Variants in IGSF22 observed in about 807,000 individuals in gnomAD.
IGSF22 encodes the protein immunoglobulin superfamily, member 22.
Under a neutral mutation model 127.0 loss-of-function variants are expected in IGSF22, and 119 were observed. That is an observed-to-expected ratio of 0.94 (90% CI 0.81 to 1.09). The LOEUF (loss-of-function observed/expected upper bound fraction) is 1.09. Among genes scored for constraint, IGSF22 ranks in the 50% least tolerant of loss-of-function variants. The probability of loss-of-function intolerance (pLI) is 0.00; values close to 1 mark genes in which losing one functional copy is unlikely to be tolerated. For missense variants in IGSF22, 1,518 were observed against 1,716.6 expected, an observed-to-expected ratio of 0.88 and a Z score of 2.04; for synonymous variants, 568 against 664.7, an observed-to-expected ratio of 0.85 and a Z score of 2.24.
Position 18,724,070 on chromosome 11 carries a change from G to T in IGSF22, c.109+58C>A, listed in dbSNP as rs1848614086. The T allele has an allele frequency of 8.6e-6, 12 of 1,398,470 alleles. No homozygotes were observed. The South Asian group carries it at 1.2e-4, about 14-fold the overall frequency. The allele number at this position is 1,398,470 out of a possible 1,614,324, so 86.6% of individuals were successfully genotyped here. ...CAAAACTGGGGCCACCCAAGGGATG[G>T]GTGTGGAGGAAGAATAGCTGCCCTT... On this transcript the variant is annotated intron_variant, in intron 2 of 22. Transcript: ENST00000513874.
intron 14 of IGSF22, 57 bp downstream of exon 14, chr11:18,713,795 G>A: frequency 7.2e-7 from 1 of 1,383,404 alleles, no homozygotes; most frequent in Non-Finnish European, 9.9e-7. Flanking sequence ...CTTCTGCCCT[G>A]AGTCTGGGCA....
chr11:18,704,479 G>T lies in IGSF22; in HGVS notation c.3970C>A (p.His1324Asn). Reference sequence around the variant, plus strand: ...GGCTTGGCTGGAGCTCACATGAGGTGCTTTGATTTCTTCTGCAGACTCTCG... The same window carrying T: ...GGCTTGGCTGGAGCTCACATGAGGTTCTTTGATTTCTTCTGCAGACTCTCG... ...ITESLQKKSK[H>N]LM The change falls in exon 23 of 23, where the codon CAC becomes AAC. Residue 1324 changes from histidine to asparagine, a missense_variant. Physicochemically the swap from His to Asn is moderately conservative, Grantham distance 68. This residue lies in a region of IGSF22 where 58 missense variants were observed against 53.0 expected (regional missense o/e 1.10). Coordinates refer to ENST00000513874, the MANE Select transcript of IGSF22 (RefSeq NM_173588.4). 4 of 1,550,090 alleles carry T rather than the reference G, an allele frequency of 2.6e-6. No homozygotes were observed. Among genetic ancestry groups the T allele is most frequent in the Non-Finnish European group, 3.5e-6 (4 of 1,145,728 alleles).
At chr11:18,708,329 T>C in intron 18 of IGSF22, 34 bp from the exon 19 acceptor site, 1 of 1,487,132 alleles carries the variant, frequency 6.7e-7, no homozygotes, top group Non-Finnish European at 9.0e-7. Flanking sequence ...GAGGCATGGA[T>C]CTGTCTTTCA....
At chr11:18,713,634 G>A (rs192186656) in intron 14 of IGSF22, among the ~76,000 whole-genome samples, 14 of 152,350 alleles carry the variant, frequency 9.2e-5, no homozygotes, top group African/African-American at 3.4e-4. Context: ...AAATCACCCT[G>A]TTCCAGGTAA....
chr11:18,718,678 G>C lies in IGSF22; in HGVS notation c.747C>G (p.Thr249=). ...PLEDKETKVD[T]TVVFDCIMEL... is the part of the protein sequence containing the mutation. Reference sequence around the variant, plus strand: ...CCATTATGCAGTCAAAGACCACTGTGGTGTCAACCTTGGTCTCTTTGTCTT... The same window carrying C: ...CCATTATGCAGTCAAAGACCACTGTCGTGTCAACCTTGGTCTCTTTGTCTT... Residue 249 remains threonine, a synonymous_variant, in exon 8 of 23, where the codon ACC becomes ACG. Coordinates refer to ENST00000513874, the MANE Select transcript of IGSF22 (RefSeq NM_173588.4). 1.9e-6 allele frequency: 3 copies of C among 1,613,754 alleles called. No individual in the cohort carries two copies. The highest frequency in any genetic ancestry group is 2.5e-6 in the Non-Finnish European group (3 of 1,179,670).
intron 19 of IGSF22, 76 bp downstream of exon 19, chr11:18,708,131 C>A: frequency 6.5e-7 from 1 of 1,531,230 alleles, no homozygotes; most frequent in South Asian, 1.2e-5. Flanking sequence ...GAGTCAGAGT[C>A]AGAGACTGTG....
chr11:18,716,428 A>G lies in IGSF22; in HGVS notation c.1246+300T>C, dbSNP rs574668357. On this transcript the variant is annotated intron_variant, in intron 10 of 22. Coordinates refer to ENST00000513874, the MANE Select transcript of IGSF22 (RefSeq NM_173588.4). This position sits in a 1 kb window ranked among gnomAD's most constrained non-coding sequence, Gnocchi z 4.5. The stretch of plus-strand genomic sequence containing the variant: ...TCCAGAGTGACACAGATGTGCTGTA[A>G]TATATGACATTAGAGACATAGACTA... Among the ~76,000 whole-genome samples the G allele has an allele frequency of 1.3e-5, 2 of 152,326 alleles. No individual in the cohort carries two copies. Among genetic ancestry groups the G allele is most frequent in the Non-Finnish European group, 2.9e-5 (2 of 68,044 alleles).
Position 18,720,558 on chromosome 11 carries a change from C to T in IGSF22, c.379-273G>A, listed in dbSNP as rs1334253954. On this transcript the variant is annotated intron_variant, in intron 4 of 22. Coordinates refer to ENST00000513874, the MANE Select transcript of IGSF22 (RefSeq NM_173588.4). ...GGCTGTGAGCTCCCAGAAGGCAGGG[C>T]TTCCCCTGCCTTGTAACTCTATCTG... Among the ~76,000 whole-genome samples, 6 of 152,202 alleles carry T rather than the reference C, an allele frequency of 3.9e-5. No homozygotes were observed. In the South Asian group the frequency reaches 6.2e-4, roughly 16 times the overall value.
intron 7 of IGSF22, among the ~76,000 whole-genome samples, chr11:18,719,488 G>T (rs191365775): frequency 6.6e-6 from 1 of 152,134 alleles, no homozygotes; most frequent in African/African-American, 2.4e-5. Context: ...TTTGAATCTC[G>T]GTCTATCTGA....
chr11:18,725,093 A>T (rs935843950), intron 1 of IGSF22, among the ~76,000 whole-genome samples: 2 of 148,128 alleles, frequency 1.4e-5, no homozygotes, highest in Non-Finnish European at 1.5e-5. Flanking sequence ...TGTCTTGGAG[A>T]TTTTTTCCAT....
At chr11:18,713,783 G>A (rs1393352797) in intron 14 of IGSF22, 69 bp downstream of exon 14, 1 of 1,276,918 alleles carries the variant, frequency 7.8e-7, no homozygotes. Context: ...TACTCAGCCT[G>A]CCTTCTGCCC....
chr11:18,714,045 T>C lies in IGSF22; in HGVS notation c.1902A>G (p.Lys634=). 6.2e-7 allele frequency: 1 copy of C among 1,614,262 alleles called. No homozygotes were observed. Among genetic ancestry groups the C allele is most frequent in the Non-Finnish European group, 8.5e-7 (1 of 1,180,042 alleles). The change falls in exon 14 of 23, where the codon AAA becomes AAG. Residue 634 remains lysine, a synonymous_variant. Coordinates refer to ENST00000513874, the MANE Select transcript of IGSF22 (RefSeq NM_173588.4). The part of the protein sequence containing the change: ...TAHIKVPFRG[K]PLPKVTWYKD... ...TGTACCATGTCACTTTGGGCAGTGG[T>C]TTTCCCCGGAAGGGGACCTTGATGT...
intron 4 of IGSF22, among the ~76,000 whole-genome samples, chr11:18,720,943 T>C (rs1195983827): frequency 1.3e-5 from 2 of 152,182 alleles, no homozygotes; most frequent in African/African-American, 2.4e-5. Flanking sequence ...CGAGTGATTA[T>C]AGGATCATAA....
At position 18,709,798 on chromosome 11, in the gene IGSF22, T is replaced by C; in HGVS notation, c.2702-115A>G. 1.9e-6 allele frequency: 2 copies of C among 1,065,166 alleles called. No individual in the cohort carries two copies. Among genetic ancestry groups the C allele is most frequent in the East Asian group, 2.6e-5 (1 of 38,412 alleles). The allele number at this position is 1,065,166 out of a possible 1,614,324, so 66.0% of individuals were successfully genotyped here. A position where few individuals can be genotyped will look rare whatever the true frequency, so the allele number is the denominator to read the frequency against. On this transcript the variant is annotated intron_variant, in intron 17 of 22. Transcript: ENST00000513874. The surrounding 1 kb of genome is among the most constrained non-coding windows in gnomAD (Gnocchi z 4.8). ...ATCCTTCACTACTTCTAGCTCCAGA[T>C]CCCTCAGTTAACACCCTTAGTACCT...
At chr11:18,706,803 C>G in intron 21 of IGSF22, 111 bp downstream of exon 21, 1 of 845,112 alleles carries the variant, frequency 1.2e-6, no homozygotes, top group Non-Finnish European at 1.8e-6. Flanking sequence ...ACCGTTCTAT[C>G]TCAATGGTTT....
chr11:18,716,481 C>T lies in IGSF22; in HGVS notation c.1246+247G>A, dbSNP rs900184214. 6.6e-6 allele frequency among the ~76,000 whole-genome samples: 1 copy of T among 152,172 alleles called. No individual in the cohort carries two copies. The highest frequency in any genetic ancestry group is 2.4e-5 in the African/African-American group (1 of 41,440). ...ACTTTCTTGGTCCATGATCTCACAG[C>T]TGATAATAAGACCCAGTGTGTCTTG... is the stretch of plus-strand genomic sequence containing the variant. On this transcript the variant is annotated intron_variant, in intron 10 of 22. Coordinates refer to ENST00000513874, the MANE Select transcript of IGSF22 (RefSeq NM_173588.4). The surrounding 1 kb of genome is among the most constrained non-coding windows in gnomAD (Gnocchi z 4.5).
chr11:18,706,248 C>T, intron 21 of IGSF22, 102 bp from the exon 22 acceptor site: 1 of 1,138,140 alleles, frequency 8.8e-7, no homozygotes. Flanking sequence ...GGACCTAGGC[C>T]ACATTCCCAG....
Position 18,720,284 on chromosome 11 carries a change from A to C in IGSF22, c.380T>G (p.Leu127Arg), listed in dbSNP as rs201072092. ...AGAGTCATCCGAAGTCAGTGGCTCC[A>C]GCTGGATCAAAGTCCGGCCATTAGT... is the stretch of plus-strand genomic sequence containing the variant. ...DSINKEHVLK[L>R]EPLTSDDSDN... Residue 127 changes from leucine to arginine, a missense_variant and splice_region_variant, in exon 5 of 23, where the codon CTG becomes CGG. Leu to Arg is a moderately radical substitution (Grantham distance 102). Around this residue, in one of 3 missense-constraint regions of IGSF22, gnomAD observed 1,456 missense variants for 1,644.9 expected, o/e 0.89. Transcript: ENST00000513874. The C allele has an allele frequency of 1.7e-4, 274 of 1,613,866 alleles. No homozygotes were observed. In the African/African-American group the frequency reaches 3.3e-3, roughly 19 times the overall value.
chr11:18,709,589 G>T lies in IGSF22; in HGVS notation c.2796C>A (p.Pro932=). The T allele has an allele frequency of 6.2e-7, 1 of 1,614,212 alleles. No homozygotes were observed. The highest frequency in any genetic ancestry group is 8.5e-7 in the Non-Finnish European group (1 of 1,180,046). The stretch of plus-strand genomic sequence containing the variant: ...CCCTCATCTCAAGGATGTAGCCAGA[G>T]GGTGGGTCTCCCTCTGCAGGCTCCC... The part of the protein sequence containing the change: ...AWREPAEGDP[P]SGYILEMRAE... The change falls in exon 18 of 23, where the codon CCC becomes CCA. Residue 932 remains proline, a synonymous_variant. Coordinates refer to ENST00000513874, the MANE Select transcript of IGSF22 (RefSeq NM_173588.4). This position sits in a 1 kb window ranked among gnomAD's most constrained non-coding sequence, Gnocchi z 4.8.
Sources: allele counts gnomAD v4.1 joint callset (sites outside exome capture counted in the v4.1 genomes callset), GRCh38; gene constraint gnomAD v4.1.1; regional missense constraint gnomAD v4.1.1; non-coding constraint Gnocchi (gnomAD v3.1); transcripts MANE v1.5; gene names NCBI Gene and HGNC (gene_info 2026-07-23, HGNC 2026-07-21).